TBC1D5: variants seen among roughly 807,000 people sequenced by gnomAD.
The protein encoded by TBC1D5 is TBC1 domain family member 5.
Under a neutral mutation model 100.3 loss-of-function variants are expected in TBC1D5, and 75 were observed. The ratio of observed to expected loss-of-function variants is 0.75; its 90% CI spans 0.62 to 0.91. The LOEUF is 0.91. TBC1D5 is among the 40% of genes least tolerant of loss of function. The pLI, the probability that TBC1D5 is intolerant of heterozygous loss-of-function variation, is 0.00. For missense variants in TBC1D5, 910 were observed against 942.4 expected (o/e 0.97, Z 0.45); for synonymous variants, 323 against 325.6 (o/e 0.99, Z 0.09).
rs545188624 is a variant in TBC1D5 at position 17,534,642 on chromosome 3, T to C, written c.-35-26037A>G. Among the ~76,000 whole-genome samples, 6 of 152,186 alleles carry C rather than the reference T, an allele frequency of 3.9e-5. No individual in the cohort carries two copies. In the South Asian group the frequency reaches 1.0e-3, roughly 26 times the overall value. ...AGATAAAGAAAAGGCAGAAAGAGAG[T>C]AGATGATGTCGGTGTTACAAGTGTA... On this transcript the variant is annotated intron_variant, in intron 2 of 21. Coordinates refer to ENST00000253692, the Ensembl canonical transcript of TBC1D5.
At chr3:17,403,384 CTG>C (rs1398161929) in intron 7 of TBC1D5, 136 bp from the exon 8 acceptor site, 1 of 464,330 alleles carries the variant, frequency 2.2e-6, no homozygotes, top group East Asian at 3.6e-5. Context: ...AAACCTGAGA[CTG>C]GGGTAATTTT....
intron 13 of TBC1D5, among the ~76,000 whole-genome samples, chr3:17,363,806 A>G (rs1023219942): frequency 6.6e-6 from 1 of 151,920 alleles, no homozygotes; most frequent in African/African-American, 2.4e-5. Flanking sequence ...TTACTGTTCT[A>G]CTTAATGGAT....
intron 3 of TBC1D5, among the ~76,000 whole-genome samples, chr3:17,506,032 C>T (rs1048723215): frequency 5.9e-5 from 9 of 152,174 alleles, no homozygotes; most frequent in Non-Finnish European, 1.2e-4. Flanking sequence ...AACTTCTACA[C>T]AGGCAAAGCA....
intron 2 of TBC1D5, among the ~76,000 whole-genome samples, chr3:17,585,102 T>C (rs927811383): frequency 6.6e-6 from 1 of 152,244 alleles, no homozygotes; most frequent in Non-Finnish European, 1.5e-5. Context: ...GGATTAGGGA[T>C]AATTTTTATC....
chr3:17,194,293 C>T (rs1170808108), intron 18 of TBC1D5, among the ~76,000 whole-genome samples: 1 of 152,100 alleles, frequency 6.6e-6, no homozygotes, highest in African/African-American at 2.4e-5. Context: ...TGGTTAGAAG[C>T]GTATTTGGTG....
At position 17,649,730 on chromosome 3, in the gene TBC1D5, T is replaced by C. The variant is rs535555606; in HGVS notation, c.-100-25817A>G. Among the ~76,000 whole-genome samples the C allele has an allele frequency of 1.1e-4, 17 of 152,264 alleles. No individual in the cohort carries two copies. In the East Asian group the frequency reaches 3.3e-3, roughly 29 times the overall value. Reference sequence around the variant, plus strand: ...TTAGTTCAACCATTGTGGAAGACAGTGTGGCGATCCCTCAAGAATCTACAA... The same window carrying C: ...TTAGTTCAACCATTGTGGAAGACAGCGTGGCGATCCCTCAAGAATCTACAA... On this transcript the variant is annotated intron_variant, in intron 1 of 21. Coordinates refer to ENST00000253692, the Ensembl canonical transcript of TBC1D5.
At position 17,455,510 on chromosome 3, in the gene TBC1D5, GTGTATA is replaced by G. The variant is rs1188606169; in HGVS notation, c.98-26997_98-26992del. On this transcript the variant is annotated intron_variant, in intron 3 of 21. Transcript: ENST00000253692. ...TATATGTGTATATATATATGTGTGTGTGTATATATATATATATATATGTGTGTGTGT... is the reference window on the plus strand; with the variant it reads ...TATATGTGTATATATATATGTGTGTGTATATATATATATATGTGTGTGTGT... Among the ~76,000 whole-genome samples the G allele has an allele frequency of 2.8e-4, 35 of 125,386 alleles. No individual in the cohort carries two copies. In the South Asian group the frequency reaches 7.1e-3, roughly 25 times the overall value. 82.3% of individuals were successfully genotyped at this position (125,386 alleles called of 152,430 possible). A position where few individuals can be genotyped will look rare whatever the true frequency, so the allele number is the denominator to read the frequency against.
At position 17,706,405 on chromosome 3, in the gene TBC1D5, C is replaced by G. The variant is rs529030153; in HGVS notation, c.-101+32938G>C. Among the ~76,000 whole-genome samples the G allele has an allele frequency of 3.6e-3, 530 of 146,782 alleles. 4 individuals carry two copies. The highest frequency in any genetic ancestry group is 0.013 in the African/African-American group (502 of 38,782). On this transcript the variant is annotated intron_variant, in intron 1 of 21. Coordinates refer to ENST00000253692, the Ensembl canonical transcript of TBC1D5. ...CCTAGGTTTAATCAGTGATTGTCTC[C>G]TAGAATCAACTTTACTTACACACAC...
At chr3:17,657,329 C>CT (rs35431642) in intron 1 of TBC1D5, among the ~76,000 whole-genome samples, 3,130 of 107,010 alleles carry the variant, frequency 0.029, 109 homozygotes, top group African/African-American at 0.082. Flanking sequence ...CAAATTCTTT[C>CT]TTTTTTTTTT....
At chr3:17,271,980 A>G (rs752029500) in intron 15 of TBC1D5, among the ~76,000 whole-genome samples, 2 of 152,200 alleles carry the variant, frequency 1.3e-5, no homozygotes, top group Admixed American at 6.5e-5. Context: ...GCAGCTAGAG[A>G]AAAGGGAAAT....
At chr3:17,208,752 T>G (rs780028386) in intron 18 of TBC1D5, among the ~76,000 whole-genome samples, 10 of 152,232 alleles carry the variant, frequency 6.6e-5, no homozygotes, top group Admixed American at 1.3e-4. Context: ...TTAATTGGTG[T>G]TGGAGACTAA....
At chr3:17,313,468 G>A (rs928171150) in intron 13 of TBC1D5, among the ~76,000 whole-genome samples, 29 of 152,200 alleles carry the variant, frequency 1.9e-4, no homozygotes, top group African/African-American at 6.3e-4. Context: ...AGGAAATTAT[G>A]ATCAAATAAA....
chr3:17,200,796 A>G (rs1325189942), intron 18 of TBC1D5, among the ~76,000 whole-genome samples: 3 of 152,194 alleles, frequency 2.0e-5, no homozygotes, highest in Admixed American at 2.0e-4. Flanking sequence ...CAGATGTTTT[A>G]AAAAATTTCT....
chr3:17,405,208 T>G (rs748622837), intron 5 of TBC1D5, among the ~76,000 whole-genome samples: 5 of 151,884 alleles, frequency 3.3e-5, no homozygotes, highest in Non-Finnish European at 5.9e-5. Flanking sequence ...AGAATCAAGC[T>G]CCCCTTCAGA....
At chr3:17,229,204 C>T (rs1302910985) in intron 17 of TBC1D5, among the ~76,000 whole-genome samples, 1 of 152,004 alleles carries the variant, frequency 6.6e-6, no homozygotes, top group Non-Finnish European at 1.5e-5. Context: ...TCTGTGGCCA[C>T]AGAAAGGGGA....
chr3:17,164,573 A>C (rs1427810401), intron 21 of TBC1D5, among the ~76,000 whole-genome samples: 1 of 152,158 alleles, frequency 6.6e-6, no homozygotes, highest in Non-Finnish European at 1.5e-5. Context: ...CGGAACTTCC[A>C]CTTGGCTCTC....
At chr3:17,218,784 G>C (rs1182905941) in intron 17 of TBC1D5, among the ~76,000 whole-genome samples, 38 of 151,934 alleles carry the variant, frequency 2.5e-4, no homozygotes, top group Admixed American at 2.5e-3. Flanking sequence ...CAATCTTACT[G>C]AGGAACTCTT....
chr3:17,550,718 T>C (rs924685972), intron 2 of TBC1D5, among the ~76,000 whole-genome samples: 1 of 152,190 alleles, frequency 6.6e-6, no homozygotes, highest in Non-Finnish European at 1.5e-5. Context: ...ATATGTTTAG[T>C]TCTTGGGGCA....
chr3:17,298,732 A>C (rs1193588984), intron 14 of TBC1D5, among the ~76,000 whole-genome samples: 1 of 152,242 alleles, frequency 6.6e-6, no homozygotes, highest in Non-Finnish European at 1.5e-5. Context: ...GAAAAGACTC[A>C]AGAGGAAACT....
Sources: allele counts gnomAD v4.1 joint callset (sites outside exome capture counted in the v4.1 genomes callset), GRCh38; gene constraint gnomAD v4.1.1; transcripts MANE v1.5; gene names NCBI Gene and HGNC (gene_info 2026-07-23, HGNC 2026-07-21).